PAPPA2: variants seen among roughly 807,000 people sequenced by gnomAD.
PAPPA2 encodes pappalysin-2.
In PAPPA2, 86 loss-of-function variants were observed where a neutral mutation model predicts 176.4. That is an observed-to-expected ratio of 0.49 (90% CI 0.41 to 0.58). The LOEUF is 0.58. PAPPA2 is among the 20% of genes least tolerant of loss of function. The pLI, the probability that PAPPA2 is intolerant of heterozygous loss-of-function variation, is 0.00. For synonymous variants in PAPPA2, 809 were observed against 852.2 expected, an observed-to-expected ratio of 0.95 and a Z score of 0.88; for missense variants, 2,073 against 2,256.9, an observed-to-expected ratio of 0.92 and a Z score of 1.65.
At position 176,595,351 on chromosome 1, in the gene PAPPA2, C is replaced by G; in HGVS notation, c.1747C>G (p.Leu583Val). 6.2e-7 allele frequency: 1 copy of G among 1,614,180 alleles called. No homozygotes were observed. Among genetic ancestry groups the G allele is most frequent in the Non-Finnish European group, 8.5e-7 (1 of 1,180,030 alleles). Reference protein sequence around the residue: ...HNSTLRHRVVLVNCEPSKIGN... With the variant: ...HNSTLRHRVVVVNCEPSKIGN... ...TTCCACCCTGCGACACCGGGTTGTG[C>G]TTGTGAACTGTGAGCCCAGCAAGAT... Residue 583 changes from leucine (L) to valine (V), a missense_variant, in exon 3 of 23, where the codon CTT becomes GTT. Leu to Val is a conservative substitution (Grantham distance 32). Transcript: ENST00000367662.
At chr1:176,657,136 CACAA>C (rs137917369) in intron 3 of PAPPA2, among the ~76,000 whole-genome samples, 18,425 of 151,830 alleles carry the variant, frequency 0.12, 1,356 homozygotes, top group South Asian at 0.23. Context: ...TAAAAGGTGT[CACAA>C]AAGTTGTGGA....
chr1:176,606,472 G>A (rs767891319), intron 3 of PAPPA2, among the ~76,000 whole-genome samples: 15 of 152,110 alleles, frequency 9.9e-5, no homozygotes, highest in Non-Finnish European at 1.8e-4. Flanking sequence ...GAAGAGATGA[G>A]TTTCTTTTTT....
At chr1:176,496,620 G>T (rs1647644576) in intron 1 of PAPPA2, among the ~76,000 whole-genome samples, 1 of 152,258 alleles carries the variant, frequency 6.6e-6, no homozygotes, top group Admixed American at 6.5e-5. Context: ...TATGAACCCA[G>T]ATTTCCTCTT....
At chr1:176,677,636 C>T (rs1659369793) in intron 4 of PAPPA2, among the ~76,000 whole-genome samples, 1 of 152,118 alleles carries the variant, frequency 6.6e-6, no homozygotes, top group Non-Finnish European at 1.5e-5. Context: ...CCTTTTATAC[C>T]TTGGATACCA....
At chr1:176,815,027 A>G (rs1212290486) in intron 21 of PAPPA2, among the ~76,000 whole-genome samples, 1 of 152,170 alleles carries the variant, frequency 6.6e-6, no homozygotes, top group Non-Finnish European at 1.5e-5. Context: ...CCTTTTCTAC[A>G]TCTGTTGAGA....
chr1:176,735,397 C>A (rs1235280036), intron 12 of PAPPA2, among the ~76,000 whole-genome samples: 2 of 152,202 alleles, frequency 1.3e-5, no homozygotes, highest in East Asian at 3.9e-4. Context: ...AGAGAAGATT[C>A]TTTTCAAGTT....
In PAPPA2 at chr1:176,479,563, C is replaced by G. The variant is rs368225860; in HGVS notation, c.-917+16145C>G. Among the ~76,000 whole-genome samples the G allele has an allele frequency of 2.0e-5, 3 of 152,228 alleles. No homozygotes were observed. The East Asian group carries it at 5.8e-4, about 29-fold the overall frequency. On this transcript the variant is annotated intron_variant, in intron 1 of 22. Coordinates refer to ENST00000367662, the MANE Select transcript of PAPPA2 (RefSeq NM_020318.3). Reference sequence around the variant, plus strand: ...GACAGTGTGATTCCAGGGCAAGAGGCTATGTGTACCCTTGGGCATTCTTGT... The same window carrying G: ...GACAGTGTGATTCCAGGGCAAGAGGGTATGTGTACCCTTGGGCATTCTTGT...
rs186704204 is a variant in PAPPA2 at position 176,679,596 on chromosome 1, G to A, written c.2137+8481G>A. Among the ~76,000 whole-genome samples, 453 of 152,194 alleles carry A rather than the reference G, an allele frequency of 3.0e-3. 1 individual carries two copies. Among genetic ancestry groups the A allele is most frequent in the Middle Eastern group, 0.02 (6 of 294 alleles). On this transcript the variant is annotated intron_variant, in intron 4 of 22. Transcript: ENST00000367662. ...TGCAACCCCCTTCTCTTTTCACAGGGCATGAAACCAGCAGCCACTTGACCC... is the reference window on the plus strand; with the variant it reads ...TGCAACCCCCTTCTCTTTTCACAGGACATGAAACCAGCAGCCACTTGACCC...
At chr1:176,645,063 A>G (rs534731057) in intron 3 of PAPPA2, among the ~76,000 whole-genome samples, 62 of 151,978 alleles carry the variant, frequency 4.1e-4, no homozygotes, top group African/African-American at 1.5e-3. Flanking sequence ...GATATCCATC[A>G]CCTTACATAT....
At chr1:176,690,747 A>G in intron 5 of PAPPA2, 2 of 1,142,644 alleles carry the variant, frequency 1.8e-6, no homozygotes, top group South Asian at 7.8e-5. Context: ...GAATGTGGTT[A>G]TTCTTATTTT....
In PAPPA2 at chr1:176,710,042, A is replaced by G. The variant is rs761161433; in HGVS notation, c.3517A>G (p.Lys1173Glu). 11 of 1,613,416 alleles carry G rather than the reference A, an allele frequency of 6.8e-6. No individual in the cohort carries two copies. The highest frequency in any genetic ancestry group is 9.3e-6 in the Non-Finnish European group (11 of 1,179,622). The change falls in exon 11 of 23, where the codon AAA (lysine) becomes GAA (glutamate). Residue 1173 changes from lysine (K) to glutamate (E), a missense_variant. Lys to Glu is a moderately conservative substitution (Grantham distance 56, BLOSUM62 1). Around this residue, in one of 4 missense-constraint regions of PAPPA2, gnomAD observed 846 missense variants for 857.9 expected, o/e 0.99. Coordinates refer to ENST00000367662, the MANE Select transcript of PAPPA2 (RefSeq NM_020318.3). ...GDGICEPFER[K>E]TSIVDCGIYT... ...TGGCATATGTGAACCTTTTGAGAGA[A>G]AAACCAGCATTGTAGACTGTGGCAT...
chr1:176,698,520 CATAATATGTG>C (rs1439302023), intron 7 of PAPPA2, among the ~76,000 whole-genome samples: 1 of 151,626 alleles, frequency 6.6e-6, no homozygotes, highest in Non-Finnish European at 1.5e-5. Flanking sequence ...TTTCCCACTC[CATAATATGTG>C]TTTATATTTC....
intron 1 of PAPPA2, among the ~76,000 whole-genome samples, chr1:176,552,110 C>T (rs1650993920): frequency 6.6e-6 from 1 of 152,132 alleles, no homozygotes; most frequent in South Asian, 2.1e-4. Context: ...TCACCTGCCT[C>T]TGAGATTTCT....
Position 176,740,025 on chromosome 1 carries a change from T to C in PAPPA2, c.3980T>C (p.Val1327Ala), listed in dbSNP as rs1283616336. 6.2e-7 allele frequency: 1 copy of C among 1,613,996 alleles called. No homozygotes were observed. The highest frequency in any genetic ancestry group is 1.1e-5 in the South Asian group (1 of 91,072). ...SCQHNPLIIN[V>A]THHQNVLFHH... is the part of the protein sequence containing the mutation. ...CAGCATAATCCACTGATTATCAATG[T>C]GACCCATCACCAGAATGTCCTTTTC... Residue 1327 changes from valine (V) to alanine (A), a missense_variant, in exon 14 of 23, where the codon GTG (valine) becomes GCG (alanine). Val to Ala is a moderately conservative substitution (Grantham distance 64, BLOSUM62 0). Transcript: ENST00000367662.
rs796763957 is a variant in PAPPA2, at chr1:176,475,443, C to T, written c.-917+12025C>T. Among the ~76,000 whole-genome samples, 18 of 152,250 alleles carry T rather than the reference C, an allele frequency of 1.2e-4. 1 individual carries two copies. The highest frequency in any genetic ancestry group is 4.3e-4 in the African/African-American group (18 of 41,556). On this transcript the variant is annotated intron_variant, in intron 1 of 22. Coordinates refer to ENST00000367662, the MANE Select transcript of PAPPA2 (RefSeq NM_020318.3). ...TGTTACTGGCCTCAGTGCATCCTTA[C>T]AGGAGGAAGGTCTACACTGGGGAGA...
intron 21 of PAPPA2, among the ~76,000 whole-genome samples, chr1:176,820,660 T>C (rs55719422): frequency 0.15 from 23,058 of 152,122 alleles, 1,849 homozygotes; most frequent in Middle Eastern, 0.24. Context: ...TTCTTCTCCC[T>C]TCCCTCTGCC....
intron 3 of PAPPA2, among the ~76,000 whole-genome samples, chr1:176,648,391 T>A (rs1174916307): frequency 6.6e-6 from 1 of 151,570 alleles, no homozygotes; most frequent in Non-Finnish European, 1.5e-5. Flanking sequence ...CAAGGCTAAT[T>A]TGAGTCCTCT....
At chr1:176,501,774 A>C (rs1647976690) in intron 1 of PAPPA2, among the ~76,000 whole-genome samples, 2 of 152,190 alleles carry the variant, frequency 1.3e-5, no homozygotes, top group Admixed American at 1.3e-4. Context: ...AACATGTCTC[A>C]GAGGAGAGCT....
chr1:176,548,433 G>A (rs1208237829), intron 1 of PAPPA2, among the ~76,000 whole-genome samples: 1 of 152,128 alleles, frequency 6.6e-6, no homozygotes, highest in Non-Finnish European at 1.5e-5. Flanking sequence ...GGAGACATTG[G>A]ACCCTCACTC....
Sources: allele counts gnomAD v4.1 joint callset (sites outside exome capture counted in the v4.1 genomes callset), GRCh38; gene constraint gnomAD v4.1.1; regional missense constraint gnomAD v4.1.1; transcripts MANE v1.5; gene names NCBI Gene and HGNC (gene_info 2026-07-23, HGNC 2026-07-21).